Variants in CTBS observed in about 807,000 individuals in gnomAD.
CTBS encodes chitobiase.
CTBS carries 35 observed loss-of-function variants against 44.3 expected under a neutral mutation model. That is an observed-to-expected ratio of 0.79 (90% CI 0.60 to 1.05). The LOEUF is 1.05. Among genes scored for constraint, CTBS ranks in the 50% least tolerant of loss-of-function variants. CTBS has a pLI of 0.00. For missense variants in CTBS, 458 were observed against 475.3 expected (o/e 0.96, Z 0.34); for synonymous variants, 143 against 168.0 (o/e 0.85, Z 1.15).
Position 84,570,659 on chromosome 1 carries a change from G to A in CTBS, c.239C>T (p.Thr80Ile), listed in dbSNP as rs960559729. ...GTCATATTTTCCAAATGTTGCCACA[G>A]TTGTAATCTGTGACCAATCATAAGA... ...WKSYDWSQITTVATFGKYDSE... is the reference protein window; with the variant it reads ...WKSYDWSQITIVATFGKYDSE... Residue 80 changes from threonine (T) to isoleucine (I), a missense_variant, in exon 2 of 7, where the codon ACT (threonine) becomes ATT (isoleucine). Coordinates refer to ENST00000370630, the MANE Select transcript of CTBS (RefSeq NM_004388.3). 11 of 1,613,816 alleles carry A rather than the reference G, an allele frequency of 6.8e-6. No homozygotes were observed. Among genetic ancestry groups the A allele is most frequent in the Non-Finnish European group, 9.3e-6 (11 of 1,179,828 alleles).
At chr1:84,569,549 A>C (rs1647231596) in intron 3 of CTBS, among the ~76,000 whole-genome samples, 1 of 152,188 alleles carries the variant, frequency 6.6e-6, no homozygotes, top group Non-Finnish European at 1.5e-5. Context: ...GGGTGCAAGT[A>C]ATTCAGAGAC....
At position 84,550,463 on chromosome 1, in the gene CTBS, A is replaced by G; in HGVS notation, c.*4536T>C. ...CTAATAATCCAGATCACTGAGGTAC[A>G]GCATGCAATTGACCAGCTTAAGAGA... is the stretch of plus-strand genomic sequence containing the variant. On this transcript the variant is annotated 3_prime_UTR_variant, in exon 7 of 7. Coordinates refer to ENST00000370630, the MANE Select transcript of CTBS (RefSeq NM_004388.3). The G allele has an allele frequency of 1.3e-6, 2 of 1,564,528 alleles. No homozygotes were observed. Among genetic ancestry groups the G allele is most frequent in the Non-Finnish European group, 1.7e-6 (2 of 1,153,458 alleles).
intron 1 of CTBS, among the ~76,000 whole-genome samples, chr1:84,571,584 A>G (rs1647302212): frequency 6.6e-6 from 1 of 152,176 alleles, no homozygotes; most frequent in Non-Finnish European, 1.5e-5. Context: ...ATTTTATTCC[A>G]AGGCATTAAT....
intron 3 of CTBS, among the ~76,000 whole-genome samples, chr1:84,569,501 GT>G (rs1322459834): frequency 2.0e-5 from 3 of 152,190 alleles, no homozygotes; most frequent in African/African-American, 7.2e-5. Context: ...AGCTGTCACA[GT>G]TCTGTGTAGT....
At chr1:84,555,377 A>G (rs1196686225) in intron 6 of CTBS, among the ~76,000 whole-genome samples, 178 bp from the exon 7 acceptor site, 1 of 152,238 alleles carries the variant, frequency 6.6e-6, no homozygotes, top group Non-Finnish European at 1.5e-5. Flanking sequence ...TTCCTATTCT[A>G]TAATTCCATG....
intron 6 of CTBS, 104 bp downstream of exon 6, chr1:84,563,153 C>T: frequency 1.4e-6 from 1 of 737,456 alleles, no homozygotes. Context: ...GCATGTTATG[C>T]CCTAAAAGAA....
chr1:84,570,801 C>T, intron 1 of CTBS, 81 bp from the exon 2 acceptor site: 5 of 1,364,996 alleles, frequency 3.7e-6, no homozygotes, highest in Admixed American at 1.9e-5. Context: ...TCAAACATCA[C>T]CATACACCAA....
In CTBS at chr1:84,550,859, C is replaced by T; in HGVS notation, c.*4140G>A. ...TATTAGAATTATTAAGTCTGATAAA[C>T]CACTGAGCTCTCCTCTGAACTGACA... On this transcript the variant is annotated 3_prime_UTR_variant, in exon 7 of 7. Transcript: ENST00000370630. 1.0e-6 allele frequency: 1 copy of T among 990,198 alleles called. No homozygotes were observed. Among genetic ancestry groups the T allele is most frequent in the Non-Finnish European group, 1.2e-6 (1 of 832,636 alleles). 61.3% of individuals were successfully genotyped at this position (990,198 alleles called of 1,614,324 possible).
chr1:84,561,835 C>T (rs959308559), intron 6 of CTBS, among the ~76,000 whole-genome samples: 3 of 152,124 alleles, frequency 2.0e-5, no homozygotes, highest in African/African-American at 7.2e-5. Context: ...AAGGTATGTA[C>T]TTTTTTTAGA....
Position 84,550,450 on chromosome 1 carries a change from A to G in CTBS, c.*4549T>C. On this transcript the variant is annotated 3_prime_UTR_variant, in exon 7 of 7. Coordinates refer to ENST00000370630, the MANE Select transcript of CTBS (RefSeq NM_004388.3). ...CACACAGAATTACCTAATAATCCAGATCACTGAGGTACAGCATGCAATTGA... is the reference window on the plus strand; with the variant it reads ...CACACAGAATTACCTAATAATCCAGGTCACTGAGGTACAGCATGCAATTGA... 6.4e-7 allele frequency: 1 copy of G among 1,550,630 alleles called. No homozygotes were observed. The highest frequency in any genetic ancestry group is 8.7e-7 in the Non-Finnish European group (1 of 1,145,626).
At position 84,551,331 on chromosome 1, in the gene CTBS, AAAG is replaced by A. The variant is rs758495071; in HGVS notation, c.*3665_*3667del. The A allele has an allele frequency of 2.5e-5, 23 of 924,720 alleles. No individual in the cohort carries two copies. In the African/African-American group the frequency reaches 3.4e-4, roughly 14 times the overall value. The allele number at this position is 924,720 out of a possible 1,614,324, so 57.3% of individuals were successfully genotyped here. A position where few individuals can be genotyped will look rare whatever the true frequency, so the allele number is the denominator to read the frequency against. ...TTTTTAAAAAAATTTTAAAAAGAAAAAAGAAAATCAGTACTGTCCTCGGTTTCA... is the reference window on the plus strand; with the variant it reads ...TTTTTAAAAAAATTTTAAAAAGAAAAAAAATCAGTACTGTCCTCGGTTTCA... On this transcript the variant is annotated 3_prime_UTR_variant, in exon 7 of 7. Transcript: ENST00000370630.
At position 84,555,012 on chromosome 1, in the gene CTBS, A is replaced by G. The variant is rs34160527; in HGVS notation, c.1145T>C (p.Leu382Pro). 13,420 of 1,613,696 alleles carry G rather than the reference A, an allele frequency of 8.3e-3. 80 individuals carry two copies. The highest frequency in any genetic ancestry group is 0.01 in the Non-Finnish European group (11,829 of 1,179,766). The change falls in exon 7 of 7, where the codon CTG becomes CCG. Residue 382 changes from leucine (L) to proline (P), a missense_variant. Physicochemically the swap from Leu to Pro is moderately conservative, Grantham distance 98. Coordinates refer to ENST00000370630, the MANE Select transcript of CTBS (RefSeq NM_004388.3). ...GACAAAAGATGTTCATCTCTGTAACAGCTTTGGCTTTAAGACTTCCCACAT... is the reference window on the plus strand; with the variant it reads ...GACAAAAGATGTTCATCTCTGTAACGGCTTTGGCTTTAAGACTTCCCACAT... ...EEMWEVLKPK[L>P]LQR
rs776181904 is a variant in CTBS, at chr1:84,563,734, C to T, written c.795+1G>A. On this transcript the variant is annotated splice_donor_variant, in intron 5 of 6. Transcript: ENST00000370630. LOFTEE classifies it high-confidence loss of function. ...ATTATGTAACAAATGACTGTTCCTA[C>T]CTCAGACAGATTCAGGCAGGTATAA... The T allele has an allele frequency of 2.5e-6, 4 of 1,570,726 alleles. No individual in the cohort carries two copies. The highest frequency in any genetic ancestry group is 2.3e-5 in the East Asian group (1 of 43,528).
Position 84,564,421 on chromosome 1 carries a change from A to AT in CTBS, c.698-590_698-589insA, listed in dbSNP as rs564597149. 4.1e-4 allele frequency among the ~76,000 whole-genome samples: 63 copies of AT among 152,258 alleles called. No homozygotes were observed. The South Asian group carries it at 6.9e-3, about 17-fold the overall frequency. On this transcript the variant is annotated intron_variant, in intron 4 of 6. Coordinates refer to ENST00000370630, the MANE Select transcript of CTBS (RefSeq NM_004388.3). ...CAAGACATATTCACAGATTACCTAG[A>AT]ATGTTCAGCTAAAAAACTTTATTAC...
chr1:84,558,415 A>G (rs371659113), intron 6 of CTBS, among the ~76,000 whole-genome samples: 66 of 149,292 alleles, frequency 4.4e-4, no homozygotes, highest in East Asian at 3.4e-3. Context: ...TCAGCCTCCC[A>G]AGTAGCTGGG....
intron 1 of CTBS, among the ~76,000 whole-genome samples, chr1:84,573,015 A>G (rs1647359295): frequency 6.6e-6 from 1 of 152,048 alleles, no homozygotes; most frequent in South Asian, 2.1e-4. Context: ...TACTGTCCCC[A>G]CTGCCTCTAC....
intron 6 of CTBS, among the ~76,000 whole-genome samples, chr1:84,557,672 A>G (rs1268012576): frequency 1.3e-5 from 2 of 151,678 alleles, no homozygotes; most frequent in Non-Finnish European, 2.9e-5. Flanking sequence ...TGGCTAACAC[A>G]GTGAAACCCC....
chr1:84,573,832 T>C, intron 1 of CTBS: 19 of 995,832 alleles, frequency 1.9e-5, no homozygotes, highest in Non-Finnish European at 2.2e-5. Flanking sequence ...AGCAAAATAC[T>C]CTGCATTCTA....
chr1:84,554,098 G>C lies in CTBS; in HGVS notation c.*901C>G, dbSNP rs572456610. On this transcript the variant is annotated 3_prime_UTR_variant, in exon 7 of 7. Coordinates refer to ENST00000370630, the MANE Select transcript of CTBS (RefSeq NM_004388.3). ...TGGAGACCCATCTGGACAACATAGC[G>C]AGACCCTGTCTCTACAAAAAATAAA... 1.3e-5 allele frequency: 2 copies of C among 152,024 alleles called. No individual in the cohort carries two copies. The highest frequency in any genetic ancestry group is 2.4e-5 in the African/African-American group (1 of 41,390). 9.4% of individuals were successfully genotyped at this position (152,024 alleles called of 1,614,324 possible).
Sources: allele counts gnomAD v4.1 joint callset (sites outside exome capture counted in the v4.1 genomes callset), GRCh38; gene constraint gnomAD v4.1.1; transcripts MANE v1.5; gene names NCBI Gene and HGNC (gene_info 2026-07-23, HGNC 2026-07-21).